PPARGC1A: variants seen among roughly 807,000 people sequenced by gnomAD.
PPARGC1A encodes peroxisome proliferator-activated receptor gamma coactivator 1-alpha.
Under a neutral mutation model 88.7 loss-of-function variants are expected in PPARGC1A, and 25 were observed. That is an observed-to-expected ratio of 0.28 (90% confidence interval 0.21 to 0.39). The LOEUF is 0.39. Among genes scored for constraint, PPARGC1A ranks in the 10% least tolerant of loss-of-function variants. The pLI is 1.00. For missense variants in PPARGC1A, 880 were observed against 968.7 expected (o/e 0.91, Z 1.22); for synonymous variants, 363 against 355.6 (o/e 1.02, Z -0.24).
At chr4:24,029,901 G>C in the PPARGC1A span, among the ~76,000 whole-genome samples, 2 of 152,136 alleles carry the variant, frequency 1.3e-5, no homozygotes, top group Non-Finnish European at 2.9e-5. Context: ...AATTTGGGGG[G>C]ATGGCATATG....
At chr4:24,257,702 A>C in the PPARGC1A span, among the ~76,000 whole-genome samples, 4 of 152,324 alleles carry the variant, frequency 2.6e-5, no homozygotes, top group Middle Eastern at 3.4e-3. Context: ...GTCTGCAAAC[A>C]CAATAATTAG....
chr4:24,429,633 T>C, the PPARGC1A span, among the ~76,000 whole-genome samples: 1 of 150,042 alleles, frequency 6.7e-6, no homozygotes, highest in African/African-American at 2.5e-5. Context: ...GGCAGAGCCA[T>C]GTGCAGGGAC....
chr4:24,223,250 A>AT, the PPARGC1A span, among the ~76,000 whole-genome samples: 99,592 of 135,300 alleles, frequency 0.74, 39,125 homozygotes, highest in Middle Eastern at 0.9. Context: ...ACTTTTGTGG[A>AT]TTTTTTTTTT....
At chr4:24,300,487 C>T in the PPARGC1A span, among the ~76,000 whole-genome samples, 3 of 151,426 alleles carry the variant, frequency 2.0e-5, no homozygotes, top group Non-Finnish European at 4.4e-5. Flanking sequence ...ATGTTAGACA[C>T]TCAGGTAGAT....
At chr4:23,912,465 T>C in the PPARGC1A span, among the ~76,000 whole-genome samples, 4 of 152,194 alleles carry the variant, frequency 2.6e-5, no homozygotes, top group Non-Finnish European at 4.4e-5. Context: ...TGGTGCTCAA[T>C]TGTCTAATAA....
At chr4:23,927,326 A>G in the PPARGC1A span, among the ~76,000 whole-genome samples, 1 of 152,356 alleles carries the variant, frequency 6.6e-6, no homozygotes, top group Non-Finnish European at 1.5e-5. Flanking sequence ...TTATATGTCC[A>G]GGACTGTCTG....
chr4:24,284,489 T>C, the PPARGC1A span, among the ~76,000 whole-genome samples: 2 of 152,140 alleles, frequency 1.3e-5, no homozygotes, highest in African/African-American at 4.8e-5. Flanking sequence ...CCTTATGAAA[T>C]CAATTTAAAA....
At chr4:24,386,978 C>T in the PPARGC1A span, among the ~76,000 whole-genome samples, 97 of 152,106 alleles carry the variant, frequency 6.4e-4, no homozygotes, top group East Asian at 6.4e-3. Flanking sequence ...TCATGCTACC[C>T]GACTTCAAAC....
the PPARGC1A span, among the ~76,000 whole-genome samples, chr4:24,120,639 C>G: frequency 6.6e-6 from 1 of 152,084 alleles, no homozygotes; most frequent in African/African-American, 2.4e-5. Context: ...CCCTAACCAC[C>G]AAGGTGATGG....
At chr4:24,237,535 A>G in the PPARGC1A span, among the ~76,000 whole-genome samples, 1 of 152,180 alleles carries the variant, frequency 6.6e-6, no homozygotes, top group Non-Finnish European at 1.5e-5. Context: ...GTGCTCACCT[A>G]CTATTACACA....
chr4:23,923,129 T>A, the PPARGC1A span, among the ~76,000 whole-genome samples: 2 of 151,662 alleles, frequency 1.3e-5, no homozygotes, highest in Non-Finnish European at 2.9e-5. Context: ...TTTTTTTTTT[T>A]TTTTTTTATT....
At chr4:23,820,246 CAT>C (rs1474994259) in intron 7 of PPARGC1A, among the ~76,000 whole-genome samples, 3 of 152,066 alleles carry the variant, frequency 2.0e-5, no homozygotes, top group Non-Finnish European at 2.9e-5. Flanking sequence ...TGTGGAAAAA[CAT>C]ATATCAATGG....
chr4:23,829,371 C>G (rs1043180113), intron 4 of PPARGC1A, 92 bp downstream of exon 4: 5 of 1,406,576 alleles, frequency 3.6e-6, no homozygotes, highest in Middle Eastern at 2.3e-4. Flanking sequence ...GGGGTCCCAG[C>G]TGAATTAATA....
the PPARGC1A span, among the ~76,000 whole-genome samples, chr4:24,165,909 C>T: frequency 3.9e-5 from 6 of 152,210 alleles, no homozygotes; most frequent in Middle Eastern, 6.8e-3. Context: ...AAGAGATGCA[C>T]GTCTCTCACT....
the PPARGC1A span, among the ~76,000 whole-genome samples, chr4:24,161,727 G>A: frequency 6.6e-6 from 1 of 152,152 alleles, no homozygotes; most frequent in Non-Finnish European, 1.5e-5. Context: ...TTCAGAGAAG[G>A]TCAGCAGGAA....
chr4:24,213,461 C>A, the PPARGC1A span, among the ~76,000 whole-genome samples: 1 of 152,174 alleles, frequency 6.6e-6, no homozygotes, highest in South Asian at 2.1e-4. Context: ...CCACCGCGCC[C>A]GGCCGATTCT....
At chr4:24,389,265 C>T in the PPARGC1A span, among the ~76,000 whole-genome samples, 1 of 152,018 alleles carries the variant, frequency 6.6e-6, no homozygotes, top group Non-Finnish European at 1.5e-5. Flanking sequence ...GACTGTTTCC[C>T]CAACATTTCC....
At chr4:24,317,554 C>CAAAAAAAAAAAAAAAAAAAAAAAAAA in the PPARGC1A span, among the ~76,000 whole-genome samples, 1 of 14,254 alleles carries the variant, frequency 7.0e-5, no homozygotes, top group African/African-American at 1.5e-4. Context: ...GTTCAGAGGA[C>CAAAAAAAAAAAAAAAAAAAAAAAAAA]TAAAAAAAAA....
chr4:23,820,944 G>A (rs1172434072), intron 7 of PPARGC1A, among the ~76,000 whole-genome samples: 3 of 152,098 alleles, frequency 2.0e-5, no homozygotes, highest in Non-Finnish European at 4.4e-5. Context: ...AACTGATTAA[G>A]CCTGTAGACC....
Sources: gnomAD v4.1 joint callset for allele counts (sites outside exome capture counted in the v4.1 genomes callset) on GRCh38, gnomAD v4.1.1 for gene constraint, MANE v1.5 for transcripts, NCBI Gene and HGNC (gene_info 2026-07-23, HGNC 2026-07-21) for gene names.